Variants in PDE10A observed in about 807,000 individuals in gnomAD.
The protein encoded by PDE10A is cAMP and cAMP-inhibited cGMP 3',5'-cyclic phosphodiesterase 10A.
A neutral mutation model predicts 97.7 loss-of-function variants in PDE10A; 39 were observed. That is an observed-to-expected ratio of 0.40 (90% CI 0.31 to 0.52). PDE10A has a LOEUF of 0.52. Among genes scored for constraint, PDE10A ranks in the 20% least tolerant of loss-of-function variants. The pLI is 0.56. For synonymous variants in PDE10A, 371 were observed against 376.8 expected (o/e 0.98, Z 0.18); for missense variants, 731 against 1,047.8 (o/e 0.70, Z 4.17).
chr6:165,451,741 A>G lies in PDE10A; in HGVS notation c.1024-1379T>C, dbSNP rs562551948. Among the ~76,000 whole-genome samples, 402 of 152,342 alleles carry G rather than the reference A, an allele frequency of 2.6e-3. 1 individual carries two copies. The highest frequency in any genetic ancestry group is 9.4e-3 in the African/African-American group (390 of 41,572). On this transcript the variant is annotated intron_variant, in intron 3 of 21. Coordinates refer to ENST00000539869, the MANE Select transcript of PDE10A (RefSeq NM_001385079.1). ...ACAAATACCACTGACCATCCTGACA[A>G]TGCACTAGAGGAGGCTCTCTTCTAG... is the stretch of plus-strand genomic sequence containing the variant.
chr6:165,839,965 C>CCA (rs1562762732), intron 1 of PDE10A, among the ~76,000 whole-genome samples: 3 of 150,854 alleles, frequency 2.0e-5, no homozygotes, highest in African/African-American at 4.9e-5. Flanking sequence ...ATCTACATCT[C>CCA]TGTCTTCATC....
At chr6:165,937,141 C>T (rs571379788) in intron 1 of PDE10A, among the ~76,000 whole-genome samples, 6 of 152,234 alleles carry the variant, frequency 3.9e-5, no homozygotes, top group Admixed American at 3.9e-4. Flanking sequence ...TCTTAGACAC[C>T]CCTTGAGGGC....
chr6:165,576,169 C>G (rs1785293750), intron 1 of PDE10A, among the ~76,000 whole-genome samples: 2 of 152,154 alleles, frequency 1.3e-5, no homozygotes, highest in South Asian at 4.1e-4. Context: ...TTAAAACTAA[C>G]CCATCCAGTA....
intron 1 of PDE10A, among the ~76,000 whole-genome samples, chr6:165,622,003 G>A (rs1788162818): frequency 6.6e-6 from 1 of 152,132 alleles, no homozygotes; most frequent in African/African-American, 2.4e-5. Context: ...TCTGAGTAAA[G>A]CAGATTACCC....
At chr6:165,924,540 C>T (rs143501089) in intron 1 of PDE10A, among the ~76,000 whole-genome samples, 45 of 152,236 alleles carry the variant, frequency 3.0e-4, no homozygotes, top group Middle Eastern at 3.4e-3. Flanking sequence ...TGGTACAATT[C>T]GCAGTTTCCT....
chr6:165,715,374 A>T (rs1455252517), intron 1 of PDE10A, among the ~76,000 whole-genome samples: 2 of 152,250 alleles, frequency 1.3e-5, no homozygotes, highest in Middle Eastern at 3.2e-3. Flanking sequence ...ATCAGCCAAC[A>T]GAAGTGGTGT....
intron 13 of PDE10A, among the ~76,000 whole-genome samples, chr6:165,406,282 C>A (rs1158583402): frequency 1.1e-5 from 1 of 94,984 alleles, no homozygotes; most frequent in Non-Finnish European, 2.3e-5. Flanking sequence ...GATCATGTCA[C>A]CACTAACAGG....
chr6:165,645,892 C>T (rs1216803992), intron 1 of PDE10A, among the ~76,000 whole-genome samples: 2 of 147,422 alleles, frequency 1.4e-5, no homozygotes, highest in Non-Finnish European at 3.0e-5. Flanking sequence ...TAGCCAACTA[C>T]TAATATCCAC....
At chr6:165,670,457 A>G (rs1215029221) in intron 1 of PDE10A, among the ~76,000 whole-genome samples, 1 of 152,240 alleles carries the variant, frequency 6.6e-6, no homozygotes, top group Non-Finnish European at 1.5e-5. Context: ...AATATAAAGG[A>G]ACATCATTAA....
intron 2 of PDE10A, among the ~76,000 whole-genome samples, chr6:165,523,744 G>A (rs1393865175): frequency 6.6e-6 from 1 of 152,068 alleles, no homozygotes; most frequent in African/African-American, 2.4e-5. Flanking sequence ...AAAAGTAATT[G>A]CAATAAAAAC....
At chr6:165,416,409 C>A (rs931273722) in intron 11 of PDE10A, 128 bp from the exon 12 acceptor site, 12 of 669,830 alleles carry the variant, frequency 1.8e-5, no homozygotes, top group Non-Finnish European at 2.9e-5. Context: ...ATTACTTTTA[C>A]GTTTACATAT....
chr6:165,687,553 A>G (rs936441678), intron 1 of PDE10A, among the ~76,000 whole-genome samples: 1 of 152,250 alleles, frequency 6.6e-6, no homozygotes, highest in African/African-American at 2.4e-5. Flanking sequence ...GCTGACTCTC[A>G]GTATTTGGAT....
chr6:165,954,734 G>A (rs1471604621), intron 1 of PDE10A, among the ~76,000 whole-genome samples: 1 of 152,050 alleles, frequency 6.6e-6, no homozygotes, highest in Admixed American at 6.5e-5. Context: ...GGCCTTACAA[G>A]AAGGCTCAGG....
chr6:165,856,025 T>C (rs2128475726), intron 1 of PDE10A, among the ~76,000 whole-genome samples: 1 of 152,308 alleles, frequency 6.6e-6, no homozygotes, highest in African/African-American at 2.4e-5. Context: ...TCATCAGAGA[T>C]TGATGAGGGG....
intron 2 of PDE10A, among the ~76,000 whole-genome samples, chr6:165,484,337 CAGG>C (rs1250819090): frequency 1.3e-5 from 2 of 152,202 alleles, no homozygotes; most frequent in Non-Finnish European, 1.5e-5. Flanking sequence ...GGCCACACAG[CAGG>C]AGGTGAGCGG....
chr6:165,806,035 TG>T (rs1156629257), intron 1 of PDE10A, among the ~76,000 whole-genome samples: 42 of 124,090 alleles, frequency 3.4e-4, no homozygotes, highest in African/African-American at 1.2e-3. Flanking sequence ...TGTAGTTGCT[TG>T]ATTATTAAAA....
At chr6:165,614,921 T>C (rs1787657408) in intron 1 of PDE10A, among the ~76,000 whole-genome samples, 1 of 151,422 alleles carries the variant, frequency 6.6e-6, no homozygotes. Context: ...TAGAAATACA[T>C]GTAAAATAGG....
chr6:165,333,656 T>A (rs1184288328), intron 21 of PDE10A, among the ~76,000 whole-genome samples: 1 of 152,208 alleles, frequency 6.6e-6, no homozygotes, highest in Non-Finnish European at 1.5e-5. Context: ...CTTCGGAAAT[T>A]TTCTTGTTAC....
At chr6:165,518,789 C>A (rs1253465508) in intron 2 of PDE10A, among the ~76,000 whole-genome samples, 1 of 152,078 alleles carries the variant, frequency 6.6e-6, no homozygotes, top group African/African-American at 2.4e-5. Context: ...GTTTGCCATC[C>A]GACCTCAAAC....
Sources: allele counts gnomAD v4.1 joint callset (sites outside exome capture counted in the v4.1 genomes callset), GRCh38; gene constraint gnomAD v4.1.1; transcripts MANE v1.5; gene names NCBI Gene and HGNC (gene_info 2026-07-23, HGNC 2026-07-21).